ARHGEF10L: variants seen among roughly 807,000 people sequenced by gnomAD.
ARHGEF10L encodes rho guanine nucleotide exchange factor 10-like protein.
A neutral mutation model predicts 141.2 loss-of-function variants in ARHGEF10L; 69 were observed. The observed-to-expected ratio is 0.49, with a 90% CI of 0.40 to 0.60. The LOEUF is 0.60. ARHGEF10L is among the 20% of genes least tolerant of loss of function. ARHGEF10L has a pLI of 0.00. For synonymous variants in ARHGEF10L, 711 were observed against 718.5 expected, an observed-to-expected ratio of 0.99 and a Z score of 0.17; for missense variants, 1,482 against 1,734.3, an observed-to-expected ratio of 0.85 and a Z score of 2.58.
chr1:17,575,782 C>T (rs1450371624), intron 1 of ARHGEF10L, among the ~76,000 whole-genome samples: 2 of 152,204 alleles, frequency 1.3e-5, no homozygotes, highest in African/African-American at 4.8e-5. Flanking sequence ...GCCAGAGAGA[C>T]CTCTCAGAGA....
In ARHGEF10L at chr1:17,656,265, T is replaced by G. The variant is rs1019968383; in HGVS notation, c.2705+163T>G. 6.6e-6 allele frequency among the ~76,000 whole-genome samples: 1 copy of G among 152,138 alleles called. No individual in the cohort carries two copies. The highest frequency in any genetic ancestry group is 6.5e-5 in the Admixed American group (1 of 15,280). Reference sequence around the variant, plus strand: ...GAGCTGCCCAGTGTGGGAGCCAAAGTGTCGGGAGCGGCCTGCAGTGCAGTT... The same window carrying G: ...GAGCTGCCCAGTGTGGGAGCCAAAGGGTCGGGAGCGGCCTGCAGTGCAGTT... On this transcript the variant is annotated intron_variant, in intron 24 of 28. Transcript: ENST00000361221. The surrounding 1 kb of genome is among the most constrained non-coding windows in gnomAD (Gnocchi z 4.9).
rs564900063 is a variant in ARHGEF10L at position 17,634,390 on chromosome 1, A to G, written c.1731-158A>G. On this transcript the variant is annotated intron_variant, in intron 16 of 28. Transcript: ENST00000361221. ...GATGAAGGAAGGCCCGCTTCTGTCC[A>G]CACCTGGCCTCTGATGCCCTCATTC... The G allele has an allele frequency of 2.2e-4, 263 of 1,201,670 alleles. No individual in the cohort carries two copies. The East Asian group carries it at 6.1e-3, about 28-fold the overall frequency. The allele number at this position is 1,201,670 out of a possible 1,614,324, so 74.4% of individuals were successfully genotyped here. A position where few individuals can be genotyped will look rare whatever the true frequency, so the allele number is the denominator to read the frequency against.
chr1:17,692,557 C>T (rs570491970), intron 27 of ARHGEF10L, among the ~76,000 whole-genome samples: 13 of 152,296 alleles, frequency 8.5e-5, no homozygotes, highest in African/African-American at 2.9e-4. Flanking sequence ...GCAGCTCTGT[C>T]GCTCTGCTCC....
chr1:17,587,672 C>G (rs374870616), intron 3 of ARHGEF10L, 27 bp downstream of exon 3: 1 of 1,589,312 alleles, frequency 6.3e-7, no homozygotes, highest in East Asian at 2.3e-5. Flanking sequence ...AACTTCCGGT[C>G]CTGGGGCTAC....
At chr1:17,651,098 A>AT (rs1055617856) in intron 22 of ARHGEF10L, among the ~76,000 whole-genome samples, 2 of 152,074 alleles carry the variant, frequency 1.3e-5, no homozygotes, top group East Asian at 3.8e-4. Flanking sequence ...TTCAGTGTGG[A>AT]TTTTTTGCAT....
At chr1:17,660,430 G>A (rs1000887217) in intron 25 of ARHGEF10L, among the ~76,000 whole-genome samples, 4 of 152,222 alleles carry the variant, frequency 2.6e-5, no homozygotes, top group African/African-American at 7.2e-5. Flanking sequence ...GAATGGTTGT[G>A]AAGGGTAGAC....
chr1:17,522,254 T>C, the ARHGEF10L span, among the ~76,000 whole-genome samples: 1 of 152,176 alleles, frequency 6.6e-6, no homozygotes, highest in Non-Finnish European at 1.5e-5. Context: ...CCCGTCTATT[T>C]AGGGGAGCTT....
At chr1:17,587,389 T>TA (rs1298938515) in intron 2 of ARHGEF10L, 71 bp from the exon 3 acceptor site, 8 of 1,501,304 alleles carry the variant, frequency 5.3e-6, no homozygotes, top group Non-Finnish European at 6.3e-6. Context: ...CATGCCCACC[T>TA]ACCCCAGCCA....
intron 18 of ARHGEF10L, among the ~76,000 whole-genome samples, chr1:17,636,267 A>T (rs1421799590): frequency 6.6e-6 from 1 of 152,012 alleles, no homozygotes; most frequent in Non-Finnish European, 1.5e-5. Context: ...GTACTGCCAG[A>T]CCCCTTCGAA....
the ARHGEF10L span, among the ~76,000 whole-genome samples, chr1:17,520,114 T>C: frequency 6.6e-6 from 1 of 152,182 alleles, no homozygotes; most frequent in Non-Finnish European, 1.5e-5. Flanking sequence ...TCTTGGTTCT[T>C]GCCCCTCCCT....
intron 1 of ARHGEF10L, among the ~76,000 whole-genome samples, chr1:17,577,931 T>C (rs1002684721): frequency 3.3e-5 from 5 of 152,124 alleles, no homozygotes; most frequent in African/African-American, 1.2e-4. Flanking sequence ...AGGGAAAGCC[T>C]TGGGCTTTGG....
chr1:17,637,635 A>G (rs1368329131), intron 18 of ARHGEF10L, among the ~76,000 whole-genome samples: 1 of 152,004 alleles, frequency 6.6e-6, no homozygotes, highest in Non-Finnish European at 1.5e-5. Context: ...AGTAGCTGGT[A>G]CTACAGGTGC....
At chr1:17,533,897 C>T in the ARHGEF10L span, among the ~76,000 whole-genome samples, 2 of 152,118 alleles carry the variant, frequency 1.3e-5, no homozygotes, top group Non-Finnish European at 2.9e-5. Context: ...TCCATTCATA[C>T]TGCCTATGCG....
At position 17,697,708 on chromosome 1, in the gene ARHGEF10L, T is replaced by A. The variant is rs530388755; in HGVS notation, c.*328T>A. The stretch of plus-strand genomic sequence containing the variant: ...GGACTCCAAGGCAGCCACACGCCCC[T>A]CCTGGAAGGGTGTGTGCGTGTGAGT... On this transcript the variant is annotated 3_prime_UTR_variant, in exon 29 of 29. Coordinates refer to ENST00000361221, the MANE Select transcript of ARHGEF10L (RefSeq NM_018125.4). The surrounding 1 kb of genome is among the most constrained non-coding windows in gnomAD (Gnocchi z 4.8). 5.7e-5 allele frequency: 30 copies of A among 523,284 alleles called. No homozygotes were observed. In the Admixed American group the frequency reaches 6.5e-4, roughly 11 times the overall value. The allele number at this position is 523,284 out of a possible 1,614,324, so 32.4% of individuals were successfully genotyped here.
chr1:17,624,319 A>G, intron 12 of ARHGEF10L, 68 bp from the exon 13 acceptor site: 1 of 1,317,110 alleles, frequency 7.6e-7, no homozygotes, highest in Non-Finnish European at 1.1e-6. Context: ...CCTGGCCCAC[A>G]CCTGCCTCGT....
Position 17,587,608 on chromosome 1 carries a change from C to A in ARHGEF10L, c.186C>A (p.Asp62Glu), listed in dbSNP as rs201247982. ...GCCTTGCTCCTGAGAGGGACACAGA[C>A]CCCCCACTGATCCACTTGGACTCCA... ...VPSLAPERDT[D>E]PPLIHLDSIP... Residue 62 changes from aspartate to glutamate, a missense_variant, in exon 3 of 29, where the codon GAC becomes GAA. Physicochemically the swap from Asp to Glu is conservative, Grantham distance 45. Transcript: ENST00000361221. The A allele has an allele frequency of 3.4e-5, 55 of 1,613,772 alleles. No individual in the cohort carries two copies. The highest frequency in any genetic ancestry group is 5.0e-5 in the Admixed American group (3 of 59,946).
At chr1:17,539,485 C>T (rs1457049339), upstream of ARHGEF10L, among the ~76,000 whole-genome samples, 1 of 152,082 alleles carries the variant, frequency 6.6e-6, no homozygotes, top group African/African-American at 2.4e-5. This position sits in a 1 kb window ranked among gnomAD's most constrained non-coding sequence, Gnocchi z 6.0. Context: ...GGCCGGGCCC[C>T]ATCCCCGCGG....
chr1:17,595,819 G>T (rs529900996), intron 4 of ARHGEF10L, among the ~76,000 whole-genome samples: 1 of 152,110 alleles, frequency 6.6e-6, no homozygotes, highest in Non-Finnish European at 1.5e-5. Flanking sequence ...TATTTACTCC[G>T]TACCAGAACC....
intron 23 of ARHGEF10L, among the ~76,000 whole-genome samples, chr1:17,655,609 G>A (rs962536495): frequency 2.0e-5 from 3 of 152,368 alleles, no homozygotes; most frequent in Admixed American, 6.5e-5. Context: ...CTTTATATTG[G>A]TTGAAATGCA....
Sources: gnomAD v4.1 joint callset for allele counts (sites outside exome capture counted in the v4.1 genomes callset) on GRCh38, gnomAD v4.1.1 for gene constraint, Gnocchi (gnomAD v3.1) non-coding constraint, MANE v1.5 for transcripts, NCBI Gene and HGNC (gene_info 2026-07-23, HGNC 2026-07-21) for gene names.